Variants in MYH13 observed in about 807,000 individuals in gnomAD.
MYH13 encodes the protein myosin heavy chain 13.
MYH13 carries 177 observed loss-of-function variants against 232.1 expected under a neutral mutation model. The observed-to-expected ratio is 0.76, with a 90% CI of 0.67 to 0.86. The LOEUF (loss-of-function observed/expected upper bound fraction) is 0.86. MYH13 is among the 40% of genes least tolerant of loss of function. The pLI is 0.00. For missense variants in MYH13, 2,246 were observed against 2,405.9 expected (o/e 0.93, Z 1.39); for synonymous variants, 884 against 923.5 (o/e 0.96, Z 0.78).
chr17:10,309,852 T>C (rs547505363), intron 33 of MYH13, 22 bp from the exon 34 acceptor site: 47 of 1,532,944 alleles, frequency 3.1e-5, no homozygotes, highest in Non-Finnish European at 3.6e-5. Flanking sequence ...AAAGGAGTGA[T>C]TGAGAGTGCC....
intron 33 of MYH13, among the ~76,000 whole-genome samples, chr17:10,310,539 C>G (rs2142221437): frequency 6.6e-6 from 1 of 152,248 alleles, no homozygotes; most frequent in Admixed American, 6.5e-5. Context: ...TATTTTATGA[C>G]TTGAGATAGA....
chr17:10,371,217 T>G lies in MYH13; in HGVS notation c.-21A>C, dbSNP rs571017699. On this transcript the variant is annotated 5_prime_UTR_variant, in exon 2 of 41. Coordinates refer to ENST00000252172, the MANE Select transcript of MYH13 (RefSeq NM_003802.3). ...CTGAAAATAACCCTTACCTTCTTGG[T>G]TCCCAAGTGACAGTCAGTGTCCTTC... is the stretch of plus-strand genomic sequence containing the variant. 1 of 152,360 alleles carries G rather than the reference T, an allele frequency of 6.6e-6. No individual in the cohort carries two copies. The highest frequency in any genetic ancestry group is 1.5e-5 in the Non-Finnish European group (1 of 68,042). 9.4% of individuals were successfully genotyped at this position (152,360 alleles called of 1,614,324 possible). A position where few individuals can be genotyped will look rare whatever the true frequency, so the allele number is the denominator to read the frequency against.
intron 8 of MYH13, among the ~76,000 whole-genome samples, chr17:10,357,392 C>G (rs1286807624): frequency 6.6e-6 from 1 of 152,184 alleles, no homozygotes; most frequent in Non-Finnish European, 1.5e-5. Context: ...ATAGATATGG[C>G]TTAATGGACG....
chr17:10,349,507 T>C (rs2071693667), intron 12 of MYH13, among the ~76,000 whole-genome samples: 1 of 151,934 alleles, frequency 6.6e-6, no homozygotes, highest in Admixed American at 6.6e-5. Context: ...AAGCCTTCCC[T>C]GATTGCCCCA....
At chr17:10,323,856 A>G in intron 23 of MYH13, among the ~76,000 whole-genome samples, 166 bp downstream of exon 23, 1 of 150,748 alleles carries the variant, frequency 6.6e-6, no homozygotes, top group East Asian at 2.0e-4. Context: ...AAAAGACACC[A>G]GAGGACAGAA....
At chr17:10,322,657 G>T (rs1201491184) in intron 23 of MYH13, among the ~76,000 whole-genome samples, 1 of 143,010 alleles carries the variant, frequency 7.0e-6, no homozygotes, top group East Asian at 2.1e-4. Context: ...TTTTTGAGAG[G>T]GAGTCTCACT....
In MYH13 at chr17:10,354,769, A is replaced by G; in HGVS notation, c.916T>C (p.Ser306Pro). Residue 306 changes from serine (S) to proline (P), a missense_variant, in exon 11 of 41, where the codon TCC becomes CCC. Ser to Pro is a moderately conservative substitution (Grantham distance 74). Coordinates refer to ENST00000252172, the MANE Select transcript of MYH13 (RefSeq NM_003802.3). ...AAGGGGAAGTCGAAGGGGTTGGTGGAGATCAGAAGCAGGTCTGTGAAACAC... is the reference window on the plus strand; with the variant it reads ...AAGGGGAAGTCGAAGGGGTTGGTGGGGATCAGAAGCAGGTCTGTGAAACAC... ...KPELIDLLLI[S>P]TNPFDFPFVS... is the part of the protein sequence containing the mutation. 6.2e-7 allele frequency: 1 copy of G among 1,613,926 alleles called. No individual in the cohort carries two copies. Among genetic ancestry groups the G allele is most frequent in the Middle Eastern group, 1.6e-4 (1 of 6,062 alleles).
At chr17:10,361,242 C>T (rs747944291) in intron 5 of MYH13, among the ~76,000 whole-genome samples, 14 of 151,118 alleles carry the variant, frequency 9.3e-5, no homozygotes, top group Non-Finnish European at 8.8e-5. Context: ...GACACCATTG[C>T]ATTAGATGAT....
rs765811468 is a variant in MYH13, at chr17:10,321,632, T to G, written c.3011A>C (p.Gln1004Pro). The part of the protein sequence containing the change: ...SKLTKEKKSL[Q>P]EAHQQTLDDL... ...ATCCAGTGTTTGCTGATGGGCCTCCTGTAGAGATTTCTTTTCTTTGGTCAA... is the reference window on the plus strand; with the variant it reads ...ATCCAGTGTTTGCTGATGGGCCTCCGGTAGAGATTTCTTTTCTTTGGTCAA... The change falls in exon 24 of 41, where the codon CAG (glutamine) becomes CCG (proline). Residue 1004 changes from glutamine to proline, a missense_variant. Transcript: ENST00000252172. The G allele has an allele frequency of 2.5e-6, 4 of 1,613,712 alleles. No individual in the cohort carries two copies. The highest frequency in any genetic ancestry group is 2.2e-5 in the South Asian group (2 of 91,064).
At chr17:10,366,014 T>C (rs972380676) in intron 2 of MYH13, among the ~76,000 whole-genome samples, 4 of 152,208 alleles carry the variant, frequency 2.6e-5, no homozygotes, top group African/African-American at 9.6e-5. Context: ...TTATGTAATG[T>C]ATTGTCCCTG....
chr17:10,340,282 A>G lies in MYH13; in HGVS notation c.1969-45T>C, dbSNP rs764375065. On this transcript the variant is annotated intron_variant, in intron 17 of 40. Coordinates refer to ENST00000252172, the MANE Select transcript of MYH13 (RefSeq NM_003802.3). The stretch of plus-strand genomic sequence containing the variant: ...AAGCACATTTAGCAACTGCCATTTC[A>G]CTGGGGAGAAAAACAAGTGAATATG... 25 of 1,613,236 alleles carry G rather than the reference A, an allele frequency of 1.5e-5. No homozygotes were observed. In the Middle Eastern group the frequency reaches 8.2e-4, roughly 53 times the overall value.
intron 22 of MYH13, among the ~76,000 whole-genome samples, chr17:10,326,178 CAA>C (rs1194443663): frequency 2.0e-5 from 3 of 152,128 alleles, no homozygotes; most frequent in Admixed American, 1.3e-4. Flanking sequence ...AACAGAAGCA[CAA>C]AGAGGATATG....
Position 10,323,789 on chromosome 17 carries a change from AGAAGAAGAAGAAGAAGAAGAAG to A in MYH13, c.2934+211_2934+232del, listed in dbSNP as rs1302629179. Among the ~76,000 whole-genome samples, 15 of 37,436 alleles carry A rather than the reference AGAAGAAGAAGAAGAAGAAGAAG, an allele frequency of 4.0e-4. No individual in the cohort carries two copies. The South Asian group carries it at 4.4e-3, about 11-fold the overall frequency. 24.6% of individuals were successfully genotyped at this position (37,436 alleles called of 152,430 possible). A position where few individuals can be genotyped will look rare whatever the true frequency, so the allele number is the denominator to read the frequency against. On this transcript the variant is annotated intron_variant, in intron 23 of 40. Transcript: ENST00000252172. Reference sequence around the variant, plus strand: ...CAAAAAAAAAAAAAAAAAAAAAAAAAGAAGAAGAAGAAGAAGAAGAAGAAGAAGAAGAAGAAGAAGAAGAGTC... The same window carrying A: ...CAAAAAAAAAAAAAAAAAAAAAAAAAAAGAAGAAGAAGAAGAAGAAGAGTC...
At chr17:10,303,114 T>A in intron 39 of MYH13, 82 bp downstream of exon 39, 1 of 1,277,742 alleles carries the variant, frequency 7.8e-7, no homozygotes. Context: ...CAGGGGACTT[T>A]ACCAACCAGG....
At position 10,320,166 on chromosome 17, in the gene MYH13, ATCT is replaced by A. The variant is rs752871980; in HGVS notation, c.3332_3334del (p.Lys1111del). Reference sequence around the variant, plus strand: ...TGATGCTTTTACTTGCAGTTCTTTAATCTTCTTTTGAAACTGCAAACTGTGGAC... The same window carrying A: ...TGATGCTTTTACTTGCAGTTCTTTAATCTTTTGAAACTGCAAACTGTGGAC... On this transcript the variant is annotated inframe_deletion, in exon 26 of 41. Transcript: ENST00000252172. 79 of 1,588,746 alleles carry A rather than the reference ATCT, an allele frequency of 5.0e-5. No individual in the cohort carries two copies. In the Admixed American group the frequency reaches 1.4e-3, roughly 28 times the overall value.
chr17:10,319,301 G>A (rs1906845540), intron 26 of MYH13, 122 bp from the exon 27 acceptor site: 1 of 1,233,142 alleles, frequency 8.1e-7, no homozygotes. Context: ...TTGAGGTCAG[G>A]AGTTTGAAAC....
At chr17:10,310,222 T>C (rs1333659844) in intron 33 of MYH13, among the ~76,000 whole-genome samples, 1 of 151,716 alleles carries the variant, frequency 6.6e-6, no homozygotes, top group Non-Finnish European at 1.5e-5. Flanking sequence ...TCCCGAGTAG[T>C]TGGGATTACA....
chr17:10,303,078 G>C (rs1254832989), intron 39 of MYH13, 118 bp downstream of exon 39: 5 of 818,104 alleles, frequency 6.1e-6, no homozygotes, highest in Non-Finnish European at 1.0e-5. Context: ...TTTATAGCCT[G>C]CAAATACAAA....
In MYH13 at chr17:10,313,323, G is replaced by A. The variant is rs555474509; in HGVS notation, c.4016C>T (p.Ser1339Phe). ...AKNAMAHALQ[S>F]SRHDCDLLRE... ...CAGCAGGTCACAGTCGTGGCGGGAGGACTGCAGGGCGTGCGCCATGGCGTT... is the reference window on the plus strand; with the variant it reads ...CAGCAGGTCACAGTCGTGGCGGGAGAACTGCAGGGCGTGCGCCATGGCGTT... The change falls in exon 30 of 41, where the codon TCC (serine) becomes TTC (phenylalanine). Residue 1339 changes from serine (S) to phenylalanine (F), a missense_variant. Coordinates refer to ENST00000252172, the MANE Select transcript of MYH13 (RefSeq NM_003802.3). 3 of 1,614,262 alleles carry A rather than the reference G, an allele frequency of 1.9e-6. No individual in the cohort carries two copies. The African/African-American group carries it at 4.0e-5, about 22-fold the overall frequency.
Sources: gnomAD v4.1 joint callset for allele counts (sites outside exome capture counted in the v4.1 genomes callset) on GRCh38, gnomAD v4.1.1 for gene constraint, MANE v1.5 for transcripts, NCBI Gene and HGNC (gene_info 2026-07-23, HGNC 2026-07-21) for gene names.